Variants in RARB observed in about 807,000 individuals in gnomAD.
The protein encoded by RARB is HBV-activated protein.
Under a neutral mutation model 51.9 loss-of-function variants are expected in RARB, and 17 were observed. That is an observed-to-expected ratio of 0.33 (90% CI 0.22 to 0.49). The LOEUF is 0.49. Ranked by LOEUF, RARB falls within the 20% of genes least tolerant of loss-of-function variation. The pLI is 0.99. For missense variants in RARB, 369 were observed against 550.8 expected (o/e 0.67, Z 3.30); for synonymous variants, 215 against 195.4 (o/e 1.10, Z -0.84).
At chr3:25,540,277 G>A (rs896610171) in intron 3 of RARB, among the ~76,000 whole-genome samples, 3 of 152,076 alleles carry the variant, frequency 2.0e-5, no homozygotes, top group East Asian at 1.9e-4. Context: ...AAGATATTTC[G>A]AGAAGAAATC....
At chr3:24,900,501 TTGTC>T (rs775735411) in intron 2 of RARB, among the ~76,000 whole-genome samples, 3 of 152,332 alleles carry the variant, frequency 2.0e-5, no homozygotes, top group Non-Finnish European at 4.4e-5. Context: ...CAAAGAATAA[TTGTC>T]TGTCAAGTAA....
chr3:24,905,878 T>C (rs912401205), intron 2 of RARB, among the ~76,000 whole-genome samples: 1 of 152,228 alleles, frequency 6.6e-6, no homozygotes, highest in Non-Finnish European at 1.5e-5. Flanking sequence ...CTTGACTATT[T>C]TACCATGATT....
At chr3:25,246,051 G>A (rs768918870) in intron 5 of RARB, among the ~76,000 whole-genome samples, 2 of 151,786 alleles carry the variant, frequency 1.3e-5, no homozygotes, top group African/African-American at 2.4e-5. Context: ...TTGTCTTCAT[G>A]CTTTATTTCT....
chr3:25,087,005 TC>T, intron 3 of RARB, among the ~76,000 whole-genome samples: 1 of 152,262 alleles, frequency 6.6e-6, no homozygotes, highest in East Asian at 1.9e-4. Context: ...TGTTGATTTT[TC>T]CCAACAAGAG....
chr3:24,962,501 C>T (rs1696162479), intron 2 of RARB, among the ~76,000 whole-genome samples: 1 of 152,130 alleles, frequency 6.6e-6, no homozygotes, highest in African/African-American at 2.4e-5. Context: ...GTCCCCAATC[C>T]CCGGGCCACA....
Position 25,580,698 on chromosome 3 carries a change from G to T in RARB, c.762G>T (p.Leu254=), listed in dbSNP as rs2125305570. 1 of 1,606,972 alleles carries T rather than the reference G, an allele frequency of 6.2e-7. No homozygotes were observed. Among genetic ancestry groups the T allele is most frequent in the Non-Finnish European group, 8.5e-7 (1 of 1,174,330 alleles). Residue 254 remains leucine (L), a synonymous_variant, in exon 5 of 8, where the codon CTG becomes CTT. Transcript: ENST00000330688. The stretch of plus-strand genomic sequence containing the variant: ...CCATCGCAGACCAAATTACCCTGCT[G>T]AAGGCCGCCTGCCTGGACATCCTGG... ...GLTIADQITL[L]KAACLDILIL...
intron 3 of RARB, among the ~76,000 whole-genome samples, chr3:25,550,875 T>A (rs1217650225): frequency 2.0e-5 from 3 of 152,200 alleles, no homozygotes; most frequent in Admixed American, 6.5e-5. Context: ...TTGCTGAAGA[T>A]AATGGCTTTC....
chr3:25,120,301 A>G (rs62230297), intron 3 of RARB, among the ~76,000 whole-genome samples: 20,386 of 152,076 alleles, frequency 0.13, 1,777 homozygotes, highest in Non-Finnish European at 0.2. Context: ...TGGAGATTAC[A>G]TACTCCTTTT....
chr3:24,877,297 C>T (rs1450013871), intron 2 of RARB, among the ~76,000 whole-genome samples: 1 of 137,102 alleles, frequency 7.3e-6, no homozygotes, highest in African/African-American at 2.7e-5. Flanking sequence ...ATTTGCATAT[C>T]TAAGATTGGT....
At chr3:25,492,887 A>G (rs541521437) in intron 2 of RARB, among the ~76,000 whole-genome samples, 1 of 152,340 alleles carries the variant, frequency 6.6e-6, no homozygotes, top group Admixed American at 6.5e-5. Context: ...TTAGCAGGCA[A>G]GAGGTGCTAT....
intron 5 of RARB, among the ~76,000 whole-genome samples, chr3:25,421,665 G>T (rs1337966366): frequency 2.0e-5 from 3 of 151,904 alleles, no homozygotes; most frequent in African/African-American, 4.8e-5. Context: ...CGGCCTCCCA[G>T]AGTACTGGGA....
chr3:25,152,850 A>C (rs1374956285), intron 4 of RARB, among the ~76,000 whole-genome samples: 1 of 152,200 alleles, frequency 6.6e-6, no homozygotes, highest in African/African-American at 2.4e-5. Context: ...AAATTCATAA[A>C]CAAAATAGGG....
chr3:25,354,229 C>T (rs527335700), intron 5 of RARB, among the ~76,000 whole-genome samples: 3 of 152,260 alleles, frequency 2.0e-5, no homozygotes, highest in East Asian at 1.9e-4. Context: ...ACTCATGGAA[C>T]TTTCTCATGC....
At chr3:25,214,179 C>G (rs1225593372) in intron 5 of RARB, among the ~76,000 whole-genome samples, 1 of 152,166 alleles carries the variant, frequency 6.6e-6, no homozygotes, top group Non-Finnish European at 1.5e-5. Flanking sequence ...GGCCAAAGCA[C>G]TCTAGTGGGG....
At chr3:25,094,183 C>T (rs1414488012) in intron 3 of RARB, among the ~76,000 whole-genome samples, 1 of 152,138 alleles carries the variant, frequency 6.6e-6, no homozygotes, top group Non-Finnish European at 1.5e-5. Context: ...CTGTTACTTG[C>T]ATATAGAAGG....
At chr3:25,339,845 G>A (rs377451836) in intron 5 of RARB, among the ~76,000 whole-genome samples, 3 of 151,990 alleles carry the variant, frequency 2.0e-5, no homozygotes, top group East Asian at 3.9e-4. Context: ...CATTTTCTGG[G>A]AAAAGATCAT....
At chr3:25,203,946 T>C (rs1701462214) in intron 5 of RARB, among the ~76,000 whole-genome samples, 1 of 152,182 alleles carries the variant, frequency 6.6e-6, no homozygotes, top group African/African-American at 2.4e-5. Flanking sequence ...TGGGGAGTTC[T>C]GTGTATTTCC....
chr3:25,544,980 G>C (rs952361685), intron 3 of RARB, among the ~76,000 whole-genome samples: 6 of 151,250 alleles, frequency 4.0e-5, no homozygotes, highest in African/African-American at 1.5e-4. Context: ...TGTTTTTCTT[G>C]AGACGGAGTC....
chr3:25,226,469 T>C (rs1215377233), intron 5 of RARB, among the ~76,000 whole-genome samples: 1 of 152,198 alleles, frequency 6.6e-6, no homozygotes, highest in Non-Finnish European at 1.5e-5. Flanking sequence ...TTATGATTTT[T>C]CAAGTATGTA....
Sources: gnomAD v4.1 joint callset for allele counts (sites outside exome capture counted in the v4.1 genomes callset) on GRCh38, gnomAD v4.1.1 for gene constraint, MANE v1.5 for transcripts, NCBI Gene and HGNC (gene_info 2026-07-23, HGNC 2026-07-21) for gene names.